Variants in RUSC2 observed in about 807,000 individuals in gnomAD.
RUSC2 encodes RUN and SH3 domain containing 2, also known as AP-4 complex accessory subunit RUSC2.
RUSC2 carries 34 observed loss-of-function variants against 122.2 expected under a neutral mutation model. The ratio of observed to expected loss-of-function variants is 0.28; its 90% CI spans 0.21 to 0.37. The LOEUF is 0.37. Ranked by LOEUF, RUSC2 falls within the 10% of genes least tolerant of loss-of-function variation. The pLI is 1.00. For synonymous variants in RUSC2, 784 were observed against 790.0 expected (o/e 0.99, Z 0.13); for missense variants, 1,747 against 1,952.4 (o/e 0.89, Z 1.98).
chr9:35,497,306 TTACTG>T (rs1413091589), intron 1 of RUSC2, among the ~76,000 whole-genome samples: 2 of 152,208 alleles, frequency 1.3e-5, no homozygotes, highest in African/African-American at 4.8e-5. Context: ...TTGCAGATCT[TTACTG>T]TACAACCCCT....
chr9:35,502,442 G>A (rs901515365), intron 1 of RUSC2, among the ~76,000 whole-genome samples: 2 of 152,172 alleles, frequency 1.3e-5, no homozygotes, highest in Non-Finnish European at 2.9e-5. Flanking sequence ...TTAAGGGATT[G>A]TGAAGAAGAG....
At position 35,546,656 on chromosome 9, in the gene RUSC2, C is replaced by G; in HGVS notation, c.135C>G (p.Phe45Leu). 1 of 1,571,744 alleles carries G rather than the reference C, an allele frequency of 6.4e-7. No homozygotes were observed. Among genetic ancestry groups the G allele is most frequent in the Non-Finnish European group, 8.6e-7 (1 of 1,159,656 alleles). The change falls in exon 2 of 12, where the codon TTC becomes TTG. Residue 45 changes from phenylalanine to leucine, a missense_variant. Phe to Leu is a conservative substitution (Grantham distance 22). Coordinates refer to ENST00000361226, the MANE Select transcript of RUSC2 (RefSeq NM_014806.5). The surrounding 1 kb of genome is among the most constrained non-coding windows in gnomAD (Gnocchi z 4.3). Reference protein sequence around the residue: ...GGGGSTRPNPFCPPELGITQP... With the variant: ...GGGGSTRPNPLCPPELGITQP... Reference sequence around the variant, plus strand: ...GTGGGAGCACAAGACCTAATCCCTTCTGCCCACCTGAGCTGGGCATCACCC... The same window carrying G: ...GTGGGAGCACAAGACCTAATCCCTTGTGCCCACCTGAGCTGGGCATCACCC...
At position 35,560,732 on chromosome 9, in the gene RUSC2, G is replaced by A; in HGVS notation, c.4092G>A (p.Gly1364=). The A allele has an allele frequency of 6.5e-7, 1 of 1,540,888 alleles. No homozygotes were observed. The highest frequency in any genetic ancestry group is 8.7e-7 in the Non-Finnish European group (1 of 1,144,860). ...TGAGGCGCAGTCGGGAGAGGGAAGG[G>A]CCCGCTGCCTCGCCAGCAGAAAATG... is the stretch of plus-strand genomic sequence containing the variant. ...AELRRSRERE[G]PAASPAENEE... Residue 1364 remains glycine (G), a synonymous_variant, in exon 10 of 12, where the codon GGG becomes GGA. Coordinates refer to ENST00000361226, the MANE Select transcript of RUSC2 (RefSeq NM_014806.5).
intron 9 of RUSC2, 143 bp downstream of exon 9, chr9:35,559,415 C>G: frequency 1.4e-6 from 1 of 730,566 alleles, no homozygotes; most frequent in Non-Finnish European, 2.4e-6. Flanking sequence ...GGCTTCCACC[C>G]AAGGCCTTCC....
intron 1 of RUSC2, among the ~76,000 whole-genome samples, chr9:35,529,070 C>G (rs538238066): frequency 1.3e-5 from 2 of 152,112 alleles, no homozygotes; most frequent in Admixed American, 1.3e-4. Context: ...ATGGGTAGCT[C>G]ACTAGCCATT....
Position 35,558,703 on chromosome 9 carries a change from C to A in RUSC2, c.3341+136C>A. ...GGAGGGTCCCCTCAGCCCGCTATGG[C>A]CTCTCAGTAGGTCACTGCCTCCCCA... On this transcript the variant is annotated intron_variant, in intron 8 of 11. Transcript: ENST00000361226. The surrounding 1 kb of genome is among the most constrained non-coding windows in gnomAD (Gnocchi z 4.3). 1 of 712,390 alleles carries A rather than the reference C, an allele frequency of 1.4e-6. No homozygotes were observed. Among genetic ancestry groups the A allele is most frequent in the Non-Finnish European group, 2.4e-6 (1 of 409,096 alleles). 44.1% of individuals were successfully genotyped at this position (712,390 alleles called of 1,614,324 possible).
At position 35,559,155 on chromosome 9, in the gene RUSC2, C is replaced by T. The variant is rs377160553; in HGVS notation, c.3342-71C>T. 145 of 1,229,760 alleles carry T rather than the reference C, an allele frequency of 1.2e-4. No individual in the cohort carries two copies. The African/African-American group carries it at 1.9e-3, about 16-fold the overall frequency. The allele number at this position is 1,229,760 out of a possible 1,614,324, so 76.2% of individuals were successfully genotyped here. A position where few individuals can be genotyped will look rare whatever the true frequency, so the allele number is the denominator to read the frequency against. On this transcript the variant is annotated intron_variant, in intron 8 of 11. Coordinates refer to ENST00000361226, the MANE Select transcript of RUSC2 (RefSeq NM_014806.5). ...GTTCACCTATTCTTCCTGTGCCTGA[C>T]CCCCTGGATCTGTCTCCTTATCTGG... is the stretch of plus-strand genomic sequence containing the variant.
At chr9:35,492,986 GT>G (rs113570058) in intron 1 of RUSC2, among the ~76,000 whole-genome samples, 34 of 151,016 alleles carry the variant, frequency 2.3e-4, no homozygotes, top group Admixed American at 1.3e-3. Flanking sequence ...TGTTTTTTGG[GT>G]TTTTTTTTAA....
chr9:35,497,697 T>C (rs1820746453), intron 1 of RUSC2, among the ~76,000 whole-genome samples: 1 of 152,200 alleles, frequency 6.6e-6, no homozygotes. Context: ...TGCACACTCA[T>C]GTCCACTTAA....
At chr9:35,493,479 G>GT (rs1485018392) in intron 1 of RUSC2, among the ~76,000 whole-genome samples, 2 of 152,068 alleles carry the variant, frequency 1.3e-5, no homozygotes, top group East Asian at 3.8e-4. Flanking sequence ...TTTATAGCCT[G>GT]TATCAGAACT....
rs765382708 is a variant in RUSC2 at position 35,548,478 on chromosome 9, C to T, written c.1957C>T (p.Leu653Phe). The T allele has an allele frequency of 1.7e-5, 27 of 1,613,840 alleles. No homozygotes were observed. The highest frequency in any genetic ancestry group is 1.8e-5 in the Non-Finnish European group (21 of 1,180,024). The change falls in exon 2 of 12, where the codon CTC (leucine) becomes TTC (phenylalanine). Residue 653 changes from leucine (L) to phenylalanine (F), a missense_variant. Coordinates refer to ENST00000361226, the MANE Select transcript of RUSC2 (RefSeq NM_014806.5). This position sits in a 1 kb window ranked among gnomAD's most constrained non-coding sequence, Gnocchi z 4.5. ...LAQLMDPGPALPGSPANSHTQ... is the reference protein window; with the variant it reads ...LAQLMDPGPAFPGSPANSHTQ... ...TCAGCTGATGGATCCAGGGCCTGCT[C>T]TCCCAGGGAGCCCAGCCAACAGCCA...
rs917253622 is a variant in RUSC2, at chr9:35,548,691, G to C, written c.2014+156G>C. 6 of 985,358 alleles carry C rather than the reference G, an allele frequency of 6.1e-6. No homozygotes were observed. The highest frequency in any genetic ancestry group is 7.2e-6 in the Non-Finnish European group (6 of 829,932). The allele number at this position is 985,358 out of a possible 1,614,324, so 61.0% of individuals were successfully genotyped here. ...CTTCTAGGCCAGGGCAGGACCCACA[G>C]CTACAGTGGAATAGGCTCACTGGAG... On this transcript the variant is annotated intron_variant, in intron 2 of 11. Coordinates refer to ENST00000361226, the MANE Select transcript of RUSC2 (RefSeq NM_014806.5). This position sits in a 1 kb window ranked among gnomAD's most constrained non-coding sequence, Gnocchi z 4.5.
intron 5 of RUSC2, among the ~76,000 whole-genome samples, chr9:35,556,951 C>G (rs1822033867): frequency 6.6e-6 from 1 of 152,172 alleles, no homozygotes; most frequent in African/African-American, 2.4e-5. Flanking sequence ...AAGGGTCATT[C>G]ATCAGAGGCT....
intron 1 of RUSC2, among the ~76,000 whole-genome samples, chr9:35,535,411 C>T (rs544458702): frequency 6.7e-6 from 1 of 148,842 alleles, no homozygotes; most frequent in Non-Finnish European, 1.5e-5. Flanking sequence ...CCACCGCTCC[C>T]GGCCGCCTAA....
At chr9:35,520,358 G>A (rs1821189501) in intron 1 of RUSC2, among the ~76,000 whole-genome samples, 1 of 152,184 alleles carries the variant, frequency 6.6e-6, no homozygotes, top group Non-Finnish European at 1.5e-5. Flanking sequence ...AGGGAGGGGT[G>A]TACTTGAATA....
At position 35,555,670 on chromosome 9, in the gene RUSC2, T is replaced by C. The variant is rs1587868742; in HGVS notation, c.2625T>C (p.Gly875=). Residue 875 remains glycine, a synonymous_variant, in exon 3 of 12, where the codon GGT becomes GGC. Coordinates refer to ENST00000361226, the MANE Select transcript of RUSC2 (RefSeq NM_014806.5). This position sits in a 1 kb window ranked among gnomAD's most constrained non-coding sequence, Gnocchi z 4.6. ...CAGAGAGCCTGGCCCGGGGAGGTGGTGAGGGCAGCATGGCCACCAGGCCCA... is the reference window on the plus strand; with the variant it reads ...CAGAGAGCCTGGCCCGGGGAGGTGGCGAGGGCAGCATGGCCACCAGGCCCA... ...SRAESLARGG[G]EGSMATRPSN... 6.2e-7 allele frequency: 1 copy of C among 1,601,566 alleles called. No homozygotes were observed. Among genetic ancestry groups the C allele is most frequent in the Admixed American group, 1.7e-5 (1 of 58,434 alleles).
Position 35,558,574 on chromosome 9 carries a change from G to C in RUSC2, c.3341+7G>C. ...TCATCCTCGGCCTGCTCAAGTGAGT[G>C]CACAGAGCAGCAAGATCCCCTAAAC... On this transcript the variant is annotated splice_region_variant and intron_variant, in intron 8 of 11. Transcript: ENST00000361226. The surrounding 1 kb of genome is among the most constrained non-coding windows in gnomAD (Gnocchi z 4.3). 1 of 1,605,004 alleles carries C rather than the reference G, an allele frequency of 6.2e-7. No individual in the cohort carries two copies. The highest frequency in any genetic ancestry group is 8.5e-7 in the Non-Finnish European group (1 of 1,171,776).
At chr9:35,501,433 C>T (rs956525075) in intron 1 of RUSC2, among the ~76,000 whole-genome samples, 1 of 152,138 alleles carries the variant, frequency 6.6e-6, no homozygotes, top group African/African-American at 2.4e-5. Context: ...AAAAATTAGC[C>T]AGGCATGGTG....
chr9:35,533,026 A>G (rs1821452031), intron 1 of RUSC2, among the ~76,000 whole-genome samples: 1 of 152,048 alleles, frequency 6.6e-6, no homozygotes, highest in African/African-American at 2.4e-5. Context: ...CGAGCAGATC[A>G]CTTAAGCTCA....
Sources: gnomAD v4.1 joint callset for allele counts (sites outside exome capture counted in the v4.1 genomes callset) on GRCh38, gnomAD v4.1.1 for gene constraint, Gnocchi (gnomAD v3.1) non-coding constraint, MANE v1.5 for transcripts, NCBI Gene and HGNC (gene_info 2026-07-23, HGNC 2026-07-21) for gene names.